TBXAS1: variants seen among roughly 807,000 people sequenced by gnomAD.
TBXAS1 encodes the protein thromboxane-A synthase.
In TBXAS1, 48 loss-of-function variants were observed where a neutral mutation model predicts 60.7. The ratio of observed to expected loss-of-function variants is 0.79; its 90% CI spans 0.63 to 1.01. The LOEUF (loss-of-function observed/expected upper bound fraction) is 1.01, where lower values mean the gene tolerates loss of function less well. Among genes scored for constraint, TBXAS1 ranks in the 50% least tolerant of loss-of-function variants. The probability of loss-of-function intolerance (pLI) is 0.00; values close to 1 mark genes in which losing one functional copy is unlikely to be tolerated. For synonymous variants in TBXAS1, 287 were observed against 269.7 expected, an observed-to-expected ratio of 1.06 and a Z score of -0.63; for missense variants, 685 against 686.3, an observed-to-expected ratio of 1.00 and a Z score of 0.02.
At chr7:139,846,423 G>A (rs1223211435) in intron 1 of TBXAS1, among the ~76,000 whole-genome samples, 1 of 152,130 alleles carries the variant, frequency 6.6e-6, no homozygotes, top group Non-Finnish European at 1.5e-5. Context: ...GATACTAATA[G>A]TACCTACCTC....
chr7:139,894,152 G>T (rs1443564126), intron 3 of TBXAS1, among the ~76,000 whole-genome samples: 2 of 152,210 alleles, frequency 1.3e-5, no homozygotes, highest in Non-Finnish European at 2.9e-5. Flanking sequence ...TGCCAAGCCT[G>T]GGGGCTTTCC....
intron 9 of TBXAS1, among the ~76,000 whole-genome samples, chr7:139,966,912 G>A (rs574051926): frequency 1.3e-5 from 2 of 152,148 alleles, no homozygotes; most frequent in South Asian, 2.1e-4. Context: ...TCCAGGAGTG[G>A]GGCCTGTGAA....
At position 139,854,959 on chromosome 7, in the gene TBXAS1, C is replaced by A. The variant is rs1347756516; in HGVS notation, c.90-17276C>A. On this transcript the variant is annotated intron_variant, in intron 1 of 12. Transcript: ENST00000448866. ...GGCTTTCACACCTCCGCATCCTGCTCATTGGCTTTCAAGTGGCCTTAGGGG... is the reference window on the plus strand; with the variant it reads ...GGCTTTCACACCTCCGCATCCTGCTAATTGGCTTTCAAGTGGCCTTAGGGG... 4.6e-5 allele frequency among the ~76,000 whole-genome samples: 7 copies of A among 152,278 alleles called. No homozygotes were observed. In the East Asian group the frequency reaches 1.4e-3, roughly 29 times the overall value.
chr7:139,811,300 C>T (rs1798017272), intron 4 of TBXAS1, among the ~76,000 whole-genome samples: 1 of 152,218 alleles, frequency 6.6e-6, no homozygotes, highest in Non-Finnish European at 1.5e-5. Context: ...TCCTGAGAGT[C>T]TGAGACTCAT....
intron 9 of TBXAS1, among the ~76,000 whole-genome samples, chr7:139,997,548 C>T (rs1022024683): frequency 6.6e-6 from 1 of 151,974 alleles, no homozygotes; most frequent in Non-Finnish European, 1.5e-5. Flanking sequence ...TTATTTGTTC[C>T]TATTTCCCCC....
chr7:139,959,324 T>C (rs958801354), intron 8 of TBXAS1, among the ~76,000 whole-genome samples: 1 of 152,202 alleles, frequency 6.6e-6, no homozygotes, highest in East Asian at 1.9e-4. Context: ...CAGATGTGTG[T>C]TTGCGCAGTG....
intron 4 of TBXAS1, among the ~76,000 whole-genome samples, chr7:139,820,257 G>C (rs1349163922): frequency 2.0e-5 from 3 of 152,122 alleles, no homozygotes; most frequent in Non-Finnish European, 4.4e-5. Flanking sequence ...CCAGCCATGA[G>C]GAGGGGCGGG....
Position 139,916,048 on chromosome 7 carries a change from C to T in TBXAS1, c.333+4727C>T, listed in dbSNP as rs192504330. On this transcript the variant is annotated intron_variant, in intron 4 of 12. Coordinates refer to ENST00000448866, the MANE Select transcript of TBXAS1 (RefSeq NM_001061.7). The surrounding 1 kb of genome is among the most constrained non-coding windows in gnomAD (Gnocchi z 4.2). ...TTGGCACTTATAGAAGCTCAGTCGT[C>T]CTGGTACATCAGGACTCGGATGTTT... 7.2e-5 allele frequency among the ~76,000 whole-genome samples: 11 copies of T among 152,318 alleles called. No individual in the cohort carries two copies. The highest frequency in any genetic ancestry group is 7.2e-4 in the Admixed American group (11 of 15,308).
intron 10 of TBXAS1, among the ~76,000 whole-genome samples, chr7:140,008,767 A>G (rs1015951793): frequency 3.9e-5 from 6 of 152,108 alleles, no homozygotes; most frequent in African/African-American, 1.4e-4. Flanking sequence ...TTCATAATTG[A>G]TATCCAGCTT....
At chr7:139,935,756 A>G (rs938839571) in intron 4 of TBXAS1, among the ~76,000 whole-genome samples, 2 of 151,814 alleles carry the variant, frequency 1.3e-5, no homozygotes, top group Non-Finnish European at 2.9e-5. Flanking sequence ...TCTTCTGTCA[A>G]CTTCGGGTCC....
At chr7:139,980,186 G>A (rs968554629) in intron 9 of TBXAS1, among the ~76,000 whole-genome samples, 7 of 152,116 alleles carry the variant, frequency 4.6e-5, no homozygotes, top group African/African-American at 1.2e-4. Context: ...TGCTCATTGC[G>A]GGCATCTAAA....
intron 2 of TBXAS1, among the ~76,000 whole-genome samples, chr7:139,781,871 C>T (rs1232017886): frequency 2.1e-5 from 3 of 144,962 alleles, no homozygotes; most frequent in Non-Finnish European, 4.5e-5. Flanking sequence ...GGCAGAAAGG[C>T]ATCAATTGGA....
intron 1 of TBXAS1, among the ~76,000 whole-genome samples, chr7:139,840,723 G>T (rs1323278071): frequency 1.3e-5 from 2 of 152,298 alleles, no homozygotes; most frequent in East Asian, 3.9e-4. Context: ...TTCCTTCAGG[G>T]CACAGAAAAT....
chr7:139,942,538 T>C (rs1482457250), intron 5 of TBXAS1, among the ~76,000 whole-genome samples: 1 of 152,224 alleles, frequency 6.6e-6, no homozygotes, highest in Non-Finnish European at 1.5e-5. Flanking sequence ...GCAGCTTGTA[T>C]GTTCTCCATT....
chr7:139,945,497 T>A (rs538861688), intron 5 of TBXAS1, among the ~76,000 whole-genome samples: 1 of 152,340 alleles, frequency 6.6e-6, no homozygotes, highest in South Asian at 2.1e-4. Context: ...ACCTTCTATG[T>A]CAAGGCTCTC....
intron 1 of TBXAS1, among the ~76,000 whole-genome samples, chr7:139,844,616 G>A (rs1394667143): frequency 1.3e-5 from 2 of 152,160 alleles, no homozygotes; most frequent in East Asian, 1.9e-4. Flanking sequence ...TTGAAATATT[G>A]AAAATATCTC....
chr7:139,817,168 T>C (rs1178652560), intron 4 of TBXAS1, among the ~76,000 whole-genome samples: 2 of 152,098 alleles, frequency 1.3e-5, no homozygotes, highest in Non-Finnish European at 1.5e-5. Context: ...TAGATTCTGG[T>C]AGGGATCTCC....
intron 4 of TBXAS1, among the ~76,000 whole-genome samples, chr7:139,804,775 C>G (rs1232612148): frequency 6.6e-6 from 1 of 152,188 alleles, no homozygotes; most frequent in African/African-American, 2.4e-5. Context: ...TGCCTTTGCT[C>G]CTCCTTTGCT....
At chr7:139,780,941 C>A (rs1031456729) in intron 2 of TBXAS1, 1 of 154,414 alleles carries the variant, frequency 6.5e-6, no homozygotes, top group African/African-American at 2.4e-5. Flanking sequence ...TAAGTCCATC[C>A]CAGCTGCTGT....
Sources: gnomAD v4.1 joint callset for allele counts (sites outside exome capture counted in the v4.1 genomes callset) on GRCh38, gnomAD v4.1.1 for gene constraint, Gnocchi (gnomAD v3.1) non-coding constraint, MANE v1.5 for transcripts, NCBI Gene and HGNC (gene_info 2026-07-23, HGNC 2026-07-21) for gene names.